Variants in SDK1 observed in about 807,000 individuals in gnomAD.
SDK1 encodes protein sidekick-1.
In SDK1, 157 loss-of-function variants were observed where a neutral mutation model predicts 245.5. The ratio of observed to expected loss-of-function variants is 0.64; its 90% CI spans 0.56 to 0.73. The LOEUF (loss-of-function observed/expected upper bound fraction) is 0.73, where lower values mean the gene tolerates loss of function less well. Among genes scored for constraint, SDK1 ranks in the 30% least tolerant of loss-of-function variants. The pLI is 0.00. For missense variants in SDK1, 3,583 were observed against 3,002.3 expected, an observed-to-expected ratio of 1.19 and a Z score of -4.52; for synonymous variants, 1,647 against 1,278.5, an observed-to-expected ratio of 1.29 and a Z score of -6.15.
rs914892936 is a variant in SDK1 at position 3,341,816 on chromosome 7, A to T, written c.298+39932A>T. 2.6e-5 allele frequency among the ~76,000 whole-genome samples: 4 copies of T among 152,378 alleles called. No individual in the cohort carries two copies. The East Asian group carries it at 7.7e-4, about 29-fold the overall frequency. On this transcript the variant is annotated intron_variant, in intron 1 of 44. Transcript: ENST00000404826. Reference sequence around the variant, plus strand: ...ATGTTGCCACAAACCATATTGACATACTGGAATATTCAACACGGTAAATGT... The same window carrying T: ...ATGTTGCCACAAACCATATTGACATTCTGGAATATTCAACACGGTAAATGT...
intron 20 of SDK1, among the ~76,000 whole-genome samples, chr7:4,075,754 G>T (rs191785529): frequency 6.6e-6 from 1 of 151,528 alleles, no homozygotes; most frequent in East Asian, 1.9e-4. Flanking sequence ...TCCCAGGTTC[G>T]AGTGATTCTC....
chr7:4,197,112 G>C (rs1783625761), intron 35 of SDK1, among the ~76,000 whole-genome samples: 1 of 152,204 alleles, frequency 6.6e-6, no homozygotes, highest in Non-Finnish European at 1.5e-5. Context: ...CCTGGGGTTA[G>C]AGCAGCGAGG....
intron 4 of SDK1, among the ~76,000 whole-genome samples, chr7:3,783,051 C>T (rs1018350180): frequency 5.9e-5 from 9 of 152,158 alleles, no homozygotes; most frequent in African/African-American, 2.2e-4. Context: ...TTCTTCGATA[C>T]AAGGATGGTT....
Position 4,082,344 on chromosome 7 carries a change from T to C in SDK1, c.3324+2760T>C, listed in dbSNP as rs112957198. Reference sequence around the variant, plus strand: ...TGAGGTTGGGAGTTCGAGGCCAGCCTGGCCAACATGTGAAACCCCATCTCT... The same window carrying C: ...TGAGGTTGGGAGTTCGAGGCCAGCCCGGCCAACATGTGAAACCCCATCTCT... On this transcript the variant is annotated intron_variant, in intron 22 of 44. Transcript: ENST00000404826. 1.3e-3 allele frequency among the ~76,000 whole-genome samples: 193 copies of C among 152,188 alleles called. 2 individuals carry two copies. Among genetic ancestry groups the C allele is most frequent in the African/African-American group, 4.4e-3 (183 of 41,540 alleles).
At chr7:3,940,540 T>G (rs1367765679) in intron 5 of SDK1, among the ~76,000 whole-genome samples, 1 of 152,138 alleles carries the variant, frequency 6.6e-6, no homozygotes, top group Admixed American at 6.5e-5. Flanking sequence ...TCCCTGGGCC[T>G]CCTCTTTAAA....
chr7:4,175,345 G>A (rs657108), intron 33 of SDK1, among the ~76,000 whole-genome samples: 28 of 152,182 alleles, frequency 1.8e-4, no homozygotes, highest in African/African-American at 5.8e-4. Flanking sequence ...CCCGGGATGC[G>A]GCTGGGCTTA....
chr7:3,577,728 C>T (rs188068539), intron 1 of SDK1, among the ~76,000 whole-genome samples: 1 of 152,046 alleles, frequency 6.6e-6, no homozygotes, highest in African/African-American at 2.4e-5. Flanking sequence ...GTGAGGAAGG[C>T]ATTTTCTGTG....
At chr7:4,078,119 G>A (rs1780814358) in intron 21 of SDK1, among the ~76,000 whole-genome samples, 1 of 152,150 alleles carries the variant, frequency 6.6e-6, no homozygotes, top group South Asian at 2.1e-4. Context: ...GGAAACTGAG[G>A]CCTGGCTGCT....
intron 37 of SDK1, 86 bp from the exon 38 acceptor site, chr7:4,209,939 T>G: frequency 8.6e-7 from 1 of 1,164,758 alleles, no homozygotes; most frequent in Non-Finnish European, 1.2e-6. Flanking sequence ...AATAACATTT[T>G]TTATTCTATA....
chr7:3,502,482 TCAGGTG>T, intron 1 of SDK1, among the ~76,000 whole-genome samples: 1 of 152,138 alleles, frequency 6.6e-6, no homozygotes, highest in Admixed American at 6.5e-5. Flanking sequence ...ACTCCTGACC[TCAGGTG>T]ATCCACCGCC....
intron 5 of SDK1, among the ~76,000 whole-genome samples, chr7:3,881,589 T>G (rs1325812191): frequency 6.6e-6 from 1 of 152,214 alleles, no homozygotes; most frequent in Admixed American, 6.5e-5. Flanking sequence ...TACATCTTTA[T>G]AACAGCATGA....
chr7:4,259,259 T>C (rs1226899708), intron 44 of SDK1, among the ~76,000 whole-genome samples: 11 of 152,080 alleles, frequency 7.2e-5, no homozygotes. Flanking sequence ...GCCAACACGG[T>C]GAAACCCCAT....
intron 5 of SDK1, among the ~76,000 whole-genome samples, chr7:3,845,296 C>T (rs1440128942): frequency 6.6e-6 from 1 of 152,006 alleles, no homozygotes; most frequent in Non-Finnish European, 1.5e-5. Context: ...TCAAGACTAG[C>T]CTGACCAGCA....
intron 17 of SDK1, among the ~76,000 whole-genome samples, chr7:4,034,397 C>A (rs533339048): frequency 2.0e-5 from 3 of 152,260 alleles, no homozygotes; most frequent in South Asian, 4.1e-4. Context: ...ATTGTGGTTA[C>A]CTGGTGAGTG....
chr7:3,345,842 G>A (rs1291256453), intron 1 of SDK1, among the ~76,000 whole-genome samples: 1 of 152,120 alleles, frequency 6.6e-6, no homozygotes, highest in Non-Finnish European at 1.5e-5. Flanking sequence ...CCTTTATGAT[G>A]CAGGTCACCC....
At chr7:3,702,856 C>A (rs1209094638) in intron 4 of SDK1, among the ~76,000 whole-genome samples, 1 of 152,102 alleles carries the variant, frequency 6.6e-6, no homozygotes, top group Non-Finnish European at 1.5e-5. Flanking sequence ...AAAAGACATT[C>A]AGTGGAAATG....
intron 1 of SDK1, among the ~76,000 whole-genome samples, chr7:3,411,859 G>T (rs1221795348): frequency 6.6e-6 from 1 of 152,106 alleles, no homozygotes; most frequent in Admixed American, 6.6e-5. Flanking sequence ...TGTTCACTAG[G>T]TATGAACCCA....
At position 4,268,746 on chromosome 7, in the gene SDK1, G is replaced by C. The variant is rs376387324; in HGVS notation, c.*3362G>C. ...GTGGCTCCCCGTGGGTCAGCGTCCT[G>C]GTAGCATGGATCCAGTCTGAAAGGT... is the stretch of plus-strand genomic sequence containing the variant. On this transcript the variant is annotated 3_prime_UTR_variant, in exon 45 of 45. Coordinates refer to ENST00000404826, the MANE Select transcript of SDK1 (RefSeq NM_152744.4). The C allele has an allele frequency of 1.3e-5, 18 of 1,367,638 alleles. No individual in the cohort carries two copies. Among genetic ancestry groups the C allele is most frequent in the Non-Finnish European group, 1.8e-5 (18 of 1,021,942 alleles). The allele number at this position is 1,367,638 out of a possible 1,614,324, so 84.7% of individuals were successfully genotyped here. A position where few individuals can be genotyped will look rare whatever the true frequency, so the allele number is the denominator to read the frequency against.
chr7:4,192,209 ATT>A (rs1235496449), intron 35 of SDK1, among the ~76,000 whole-genome samples: 1 of 152,094 alleles, frequency 6.6e-6, no homozygotes, highest in Non-Finnish European at 1.5e-5. Flanking sequence ...TGTCAGTGCC[ATT>A]TTCCCAACAG....
Sources: allele counts gnomAD v4.1 joint callset (sites outside exome capture counted in the v4.1 genomes callset), GRCh38; gene constraint gnomAD v4.1.1; transcripts MANE v1.5; gene names NCBI Gene and HGNC (gene_info 2026-07-23, HGNC 2026-07-21).